NEDD9: variants seen among roughly 807,000 people sequenced by gnomAD.
NEDD9 encodes neural precursor cell expressed, developmentally down-regulated 9, also known as enhancer of filamentation 1.
A neutral mutation model predicts 76.6 loss-of-function variants in NEDD9; 26 were observed. That is an observed-to-expected ratio of 0.34 (90% CI 0.25 to 0.47). NEDD9 has a LOEUF of 0.47. Ranked by LOEUF, NEDD9 falls within the 20% of genes least tolerant of loss-of-function variation. The probability of loss-of-function intolerance (pLI) is 1.00; values close to 1 mark genes in which losing one functional copy is unlikely to be tolerated. For synonymous variants in NEDD9, 392 were observed against 414.2 expected, an observed-to-expected ratio of 0.95 and a Z score of 0.65; for missense variants, 937 against 1,058.5, an observed-to-expected ratio of 0.89 and a Z score of 1.59.
chr6:11,202,878 C>G (rs1223166996), intron 2 of NEDD9, among the ~76,000 whole-genome samples: 1 of 152,208 alleles, frequency 6.6e-6, no homozygotes, highest in Non-Finnish European at 1.5e-5. Context: ...ATCTAAATCA[C>G]AGCCAGCTTC....
At chr6:11,311,455 A>G (rs1761363679) in intron 2 of NEDD9, among the ~76,000 whole-genome samples, 1 of 152,140 alleles carries the variant, frequency 6.6e-6, no homozygotes, top group Admixed American at 6.5e-5. Flanking sequence ...GAAACGATCG[A>G]TTTCTGTTTA....
upstream of NEDD9, among the ~76,000 whole-genome samples, chr6:11,233,929 G>A (rs777105296): frequency 6.6e-6 from 1 of 151,466 alleles, no homozygotes; most frequent in Non-Finnish European, 1.5e-5. Flanking sequence ...GATTCCCTTC[G>A]CGTCTAACAC....
chr6:11,240,139 C>T (rs1759684532), intron 3 of NEDD9, among the ~76,000 whole-genome samples: 1 of 151,460 alleles, frequency 6.6e-6, no homozygotes, highest in Non-Finnish European at 1.5e-5. Context: ...CCCTGAATTT[C>T]TTCTCATTTG....
At chr6:11,235,526 A>G (rs1025523856), upstream of NEDD9, among the ~76,000 whole-genome samples, 19 of 152,244 alleles carry the variant, frequency 1.2e-4, no homozygotes, top group Non-Finnish European at 2.6e-4. The surrounding 1 kb of genome is among the most constrained non-coding windows in gnomAD (Gnocchi z 4.1). Context: ...AAATGAATGT[A>G]TAATATGATT....
chr6:11,260,802 G>A (rs1257792989), intron 3 of NEDD9, among the ~76,000 whole-genome samples: 2 of 152,172 alleles, frequency 1.3e-5, no homozygotes, highest in Admixed American at 6.5e-5. Context: ...TTTTCTGTGG[G>A]TGAGTCTTCA....
At chr6:11,294,960 A>T (rs994962751) in intron 3 of NEDD9, among the ~76,000 whole-genome samples, 2 of 152,096 alleles carry the variant, frequency 1.3e-5, no homozygotes, top group South Asian at 4.2e-4. Flanking sequence ...GTCTCACAAG[A>T]TCTGATGGTT....
chr6:11,288,907 T>A (rs1760706183), intron 3 of NEDD9, among the ~76,000 whole-genome samples: 1 of 152,248 alleles, frequency 6.6e-6, no homozygotes, highest in Admixed American at 6.5e-5. Flanking sequence ...TTTACTTCCA[T>A]AATTGACTAA....
chr6:11,345,664 A>C lies in NEDD9; in HGVS notation c.-213-11103T>G, dbSNP rs73366826. On this transcript the variant is annotated intron_variant, in intron 1 of 3. Transcript: ENST00000397378. ...TCCTGTCTTCCGCCACCAAGTTTCC[A>C]AAGAGACTTCCTGGAGTAGGAATGA... is the stretch of plus-strand genomic sequence containing the variant. Among the ~76,000 whole-genome samples, 1,393 of 152,278 alleles carry C rather than the reference A, an allele frequency of 9.1e-3. 26 individuals are homozygous for C. Among genetic ancestry groups the C allele is most frequent in the African/African-American group, 0.032 (1,325 of 41,552 alleles).
At chr6:11,242,600 A>C (rs1040652264) in intron 3 of NEDD9, among the ~76,000 whole-genome samples, 75 of 151,970 alleles carry the variant, frequency 4.9e-4, no homozygotes, top group Non-Finnish European at 8.5e-4. Context: ...AAAAAAAAAA[A>C]ACTGTCTTTC....
intron 3 of NEDD9, among the ~76,000 whole-genome samples, chr6:11,299,576 A>G (rs953412690): frequency 6.6e-6 from 1 of 152,202 alleles, no homozygotes; most frequent in Non-Finnish European, 1.5e-5. Flanking sequence ...ACCCCTGTGT[A>G]GCCTGACTGG....
At chr6:11,285,998 T>C (rs1031069181) in intron 3 of NEDD9, among the ~76,000 whole-genome samples, 3 of 152,146 alleles carry the variant, frequency 2.0e-5, no homozygotes, top group African/African-American at 7.2e-5. Flanking sequence ...AAATAGGACT[T>C]CATAAAAATT....
At chr6:11,375,894 G>A (rs1009033633) in intron 1 of NEDD9, among the ~76,000 whole-genome samples, 3 of 151,868 alleles carry the variant, frequency 2.0e-5, no homozygotes, top group South Asian at 2.1e-4. Context: ...GCGTGATCTC[G>A]GCTCACTGCA....
chr6:11,185,492 G>A lies in NEDD9; in HGVS notation c.2175C>T (p.Ala725=). 1 of 1,614,170 alleles carries A rather than the reference G, an allele frequency of 6.2e-7. No homozygotes were observed. The highest frequency in any genetic ancestry group is 8.5e-7 in the Non-Finnish European group (1 of 1,180,024). Residue 725 remains alanine, a synonymous_variant, in exon 7 of 7, where the codon GCC becomes GCT. Transcript: ENST00000379446. The stretch of plus-strand genomic sequence containing the variant: ...TGACACAACTGAAGAGTGCGTCAAT[G>A]GCGTTGAGAAGGGAAATGAAATGGG... ...CETHFISLLN[A]IDALFSCVSS...
chr6:11,352,174 C>A (rs1427775106), intron 1 of NEDD9: 1 of 152,232 alleles, frequency 6.6e-6, no homozygotes, highest in Non-Finnish European at 1.5e-5. Flanking sequence ...GTTTCCTTTT[C>A]TTCAGGGTTA....
chr6:11,359,009 T>G (rs1170602506), intron 1 of NEDD9, among the ~76,000 whole-genome samples: 2 of 152,156 alleles, frequency 1.3e-5, no homozygotes, highest in East Asian at 3.9e-4. Context: ...AAATATTTTG[T>G]AGGAGACACG....
At chr6:11,372,986 CA>C (rs1230203385) in intron 1 of NEDD9, among the ~76,000 whole-genome samples, 1 of 151,746 alleles carries the variant, frequency 6.6e-6, no homozygotes, top group African/African-American at 2.4e-5. Flanking sequence ...TTGCTTCAGT[CA>C]AAAAAACTCC....
At chr6:11,310,198 A>G (rs1203069607) in intron 2 of NEDD9, among the ~76,000 whole-genome samples, 1 of 152,180 alleles carries the variant, frequency 6.6e-6, no homozygotes, top group Non-Finnish European at 1.5e-5. Context: ...TTAGTATGGC[A>G]CATCTGGCAG....
intron 3 of NEDD9, among the ~76,000 whole-genome samples, chr6:11,246,673 C>T (rs894313106): frequency 2.0e-5 from 3 of 152,230 alleles, no homozygotes; most frequent in Admixed American, 2.0e-4. Flanking sequence ...AGGTTTTTCA[C>T]TTCCCACCCA....
intron 1 of NEDD9, among the ~76,000 whole-genome samples, chr6:11,364,042 G>A (rs1372189353): frequency 3.3e-5 from 5 of 152,166 alleles, no homozygotes; most frequent in South Asian, 2.1e-4. Flanking sequence ...CTGCTGGTCC[G>A]TGATATGAGT....
Sources: gnomAD v4.1 joint callset for allele counts (sites outside exome capture counted in the v4.1 genomes callset) on GRCh38, gnomAD v4.1.1 for gene constraint, Gnocchi (gnomAD v3.1) non-coding constraint, MANE v1.5 for transcripts, NCBI Gene and HGNC (gene_info 2026-07-23, HGNC 2026-07-21) for gene names.